Variants in GRHL2 observed in about 807,000 individuals in gnomAD.
GRHL2 encodes the protein grainyhead like transcription factor 2.
GRHL2 carries 21 observed loss-of-function variants against 83.8 expected under a neutral mutation model. The observed-to-expected ratio is 0.25, with a 90% confidence interval of 0.18 to 0.36. The LOEUF (loss-of-function observed/expected upper bound fraction) is 0.36, where lower values mean the gene tolerates loss of function less well. Among genes scored for constraint, GRHL2 ranks in the 10% least tolerant of loss-of-function variants. GRHL2 has a pLI of 1.00. For synonymous variants in GRHL2, 280 were observed against 278.9 expected (o/e 1.00, Z -0.04); for missense variants, 623 against 781.8 (o/e 0.80, Z 2.42).
chr8:101,573,962 G>A, intron 6 of GRHL2, 138 bp downstream of exon 6: 3 of 989,200 alleles, frequency 3.0e-6, no homozygotes, highest in East Asian at 2.6e-5. Context: ...AGAGAGTTGG[G>A]GCAAGAGCAC....
intron 9 of GRHL2, among the ~76,000 whole-genome samples, chr8:101,625,751 G>A (rs988401375): frequency 2.6e-5 from 4 of 151,994 alleles, no homozygotes; most frequent in African/African-American, 4.8e-5. Context: ...CCTATTTTAC[G>A]TATCGGTCAG....
At chr8:101,578,062 T>C (rs1408105542) in intron 7 of GRHL2, among the ~76,000 whole-genome samples, 1 of 152,160 alleles carries the variant, frequency 6.6e-6, no homozygotes, top group Non-Finnish European at 1.5e-5. Flanking sequence ...ACCCCTAAAC[T>C]TGAGGTCCGT....
intron 7 of GRHL2, among the ~76,000 whole-genome samples, chr8:101,588,321 G>A (rs974504316): frequency 1.3e-5 from 2 of 152,094 alleles, no homozygotes; most frequent in Admixed American, 6.5e-5. Context: ...CCCTCCCTAA[G>A]AGAACTCAAA....
At chr8:101,633,792 G>C (rs556957175) in intron 11 of GRHL2, among the ~76,000 whole-genome samples, 3 of 152,070 alleles carry the variant, frequency 2.0e-5, no homozygotes, top group African/African-American at 7.2e-5. Flanking sequence ...TGCCCCATGG[G>C]ATTTTATGGG....
At chr8:101,514,977 T>C (rs1810540397) in intron 1 of GRHL2, among the ~76,000 whole-genome samples, 1 of 151,502 alleles carries the variant, frequency 6.6e-6, no homozygotes, top group South Asian at 2.1e-4. Context: ...CTTCCTTTTC[T>C]TCTTTCCTTC....
At position 101,601,209 on chromosome 8, in the gene GRHL2, C is replaced by A. The variant is rs140404462; in HGVS notation, c.1098+2058C>A. 9.6e-3 allele frequency among the ~76,000 whole-genome samples: 1,449 copies of A among 151,642 alleles called. 16 individuals are homozygous for A. The highest frequency in any genetic ancestry group is 0.024 in the African/African-American group (997 of 41,344). On this transcript the variant is annotated intron_variant, in intron 8 of 15. Coordinates refer to ENST00000646743, the MANE Select transcript of GRHL2 (RefSeq NM_024915.4). ...ACACACCCCACCACCACCACCACCA[C>A]CACCACCAACAACAACAACAAAACA...
chr8:101,610,042 C>T (rs1812716200), intron 8 of GRHL2, among the ~76,000 whole-genome samples: 1 of 150,796 alleles, frequency 6.6e-6, no homozygotes, highest in South Asian at 2.1e-4. Context: ...CCCAATCTCT[C>T]ATTATGCACA....
rs1009605517 is a variant in GRHL2 at position 101,619,556 on chromosome 8, T to C, written c.1116T>C (p.Asn372=). 5.2e-5 allele frequency: 84 copies of C among 1,613,786 alleles called. No homozygotes were observed. The highest frequency in any genetic ancestry group is 6.9e-5 in the Non-Finnish European group (82 of 1,179,918). ...NEEAKIFITV[N]CLSTDFSSQK... is the part of the protein sequence containing the mutation. ...TCCCTCAGATTTTCATCACCGTGAA[T>C]TGCTTGAGCACAGATTTCTCCTCCC... The change falls in exon 9 of 16, where the codon AAT becomes AAC. Residue 372 remains asparagine (N), a synonymous_variant. Transcript: ENST00000646743.
At chr8:101,494,634 A>G (rs674330) in intron 1 of GRHL2, among the ~76,000 whole-genome samples, 122,151 of 152,196 alleles carry the variant, frequency 0.8, 50,791 homozygotes, top group Non-Finnish European at 0.93. Flanking sequence ...TGCAAATCTA[A>G]TTTAATTAAT....
At chr8:101,538,894 T>C (rs1811096531) in intron 1 of GRHL2, among the ~76,000 whole-genome samples, 1 of 152,204 alleles carries the variant, frequency 6.6e-6, no homozygotes, top group African/African-American at 2.4e-5. Context: ...CTGCCAAGAA[T>C]GTGAAAAGAA....
intron 14 of GRHL2, among the ~76,000 whole-genome samples, chr8:101,657,907 C>G (rs1056107652): frequency 8.5e-5 from 13 of 152,076 alleles, no homozygotes; most frequent in African/African-American, 3.1e-4. Context: ...TCACCCTGTT[C>G]CGACAGAACG....
At chr8:101,639,799 C>T (rs1401625524) in intron 12 of GRHL2, among the ~76,000 whole-genome samples, 1 of 152,246 alleles carries the variant, frequency 6.6e-6, no homozygotes, top group Non-Finnish European at 1.5e-5. Context: ...GTGCCAGCTT[C>T]GCTGGTATTT....
intron 1 of GRHL2, among the ~76,000 whole-genome samples, chr8:101,535,188 C>T (rs1434932647): frequency 2.6e-5 from 4 of 152,120 alleles, no homozygotes; most frequent in Non-Finnish European, 5.9e-5. Context: ...CTTAGTTAAC[C>T]TTTGTGTGTG....
chr8:101,648,384 A>T (rs182640867), intron 13 of GRHL2, among the ~76,000 whole-genome samples: 2 of 152,180 alleles, frequency 1.3e-5, no homozygotes, highest in Admixed American at 6.5e-5. Context: ...TTTGCAGAGA[A>T]ATAAATAGAA....
At position 101,624,736 on chromosome 8, in the gene GRHL2, C is replaced by T. The variant is rs1384429417; in HGVS notation, c.1257+5039C>T. Among the ~76,000 whole-genome samples the T allele has an allele frequency of 2.6e-5, 4 of 152,100 alleles. No individual in the cohort carries two copies. The East Asian group carries it at 7.7e-4, about 29-fold the overall frequency. On this transcript the variant is annotated intron_variant, in intron 9 of 15. Transcript: ENST00000646743. ...AGTTTCCAAGACAGTAGAGAAGTTT[C>T]CATGACAGTTTCCAGAGGCCTGTTA...
In GRHL2 at chr8:101,564,313, A is replaced by G. The variant is rs1466968819; in HGVS notation, c.678+5501A>G. ...TTTCACCAAGAAAATTTCATTAAGG[A>G]AAATTTGTCTAAACTCACTTATTCT... On this transcript the variant is annotated intron_variant, in intron 4 of 15. Coordinates refer to ENST00000646743, the MANE Select transcript of GRHL2 (RefSeq NM_024915.4). Among the ~76,000 whole-genome samples the G allele has an allele frequency of 2.6e-5, 4 of 152,330 alleles. No individual in the cohort carries two copies. The East Asian group carries it at 7.7e-4, about 29-fold the overall frequency.
intron 9 of GRHL2, among the ~76,000 whole-genome samples, chr8:101,620,465 A>T (rs1309071934): frequency 6.6e-6 from 1 of 152,174 alleles, no homozygotes; most frequent in Non-Finnish European, 1.5e-5. Flanking sequence ...GACTTTTTGG[A>T]ATGGAAATAG....
intron 1 of GRHL2, chr8:101,529,065 A>AG: frequency 2.6e-6 from 1 of 382,508 alleles, no homozygotes; most frequent in South Asian, 2.1e-5. Flanking sequence ...CAGTTTTTTC[A>AG]GGGAGTTCTT....
At chr8:101,542,018 A>G (rs1811164211) in intron 1 of GRHL2, among the ~76,000 whole-genome samples, 1 of 152,220 alleles carries the variant, frequency 6.6e-6, no homozygotes, top group South Asian at 2.1e-4. Flanking sequence ...AGTCCGTCTC[A>G]TTACTGCTGT....
Sources: allele counts gnomAD v4.1 joint callset (sites outside exome capture counted in the v4.1 genomes callset), GRCh38; gene constraint gnomAD v4.1.1; transcripts MANE v1.5; gene names NCBI Gene and HGNC (gene_info 2026-07-23, HGNC 2026-07-21).